DNAJC13: variants seen among roughly 807,000 people sequenced by gnomAD.
DNAJC13 encodes the protein DnaJ heat shock protein family (Hsp40) member C13.
In DNAJC13, 75 loss-of-function variants were observed where a neutral mutation model predicts 290.5. The observed-to-expected ratio is 0.26, with a 90% confidence interval of 0.21 to 0.31. The LOEUF (loss-of-function observed/expected upper bound fraction) is 0.31. Among genes scored for constraint, DNAJC13 ranks in the 10% least tolerant of loss-of-function variants. The pLI is 1.00. For synonymous variants in DNAJC13, 862 were observed against 892.0 expected (o/e 0.97, Z 0.60); for missense variants, 2,260 against 2,674.5 (o/e 0.85, Z 3.42).
intron 39 of DNAJC13, among the ~76,000 whole-genome samples, chr3:132,501,211 A>G (rs1412953059): frequency 1.3e-5 from 2 of 152,154 alleles, no homozygotes; most frequent in Non-Finnish European, 2.9e-5. Context: ...TTTTAAAAGC[A>G]AAAGGCCAGC....
intron 48 of DNAJC13, among the ~76,000 whole-genome samples, chr3:132,521,532 G>C (rs1936090208): frequency 6.6e-6 from 1 of 152,182 alleles, no homozygotes; most frequent in African/African-American, 2.4e-5. Context: ...TGAAAAAATT[G>C]AAATAAATGG....
At chr3:132,489,339 T>G (rs1934986471) in intron 31 of DNAJC13, among the ~76,000 whole-genome samples, 1 of 152,156 alleles carries the variant, frequency 6.6e-6, no homozygotes, top group South Asian at 2.1e-4. Flanking sequence ...TAATTCATTA[T>G]GTACCTGAGT....
At position 132,523,152 on chromosome 3, in the gene DNAJC13, C is replaced by T. The variant is rs757362955; in HGVS notation, c.5844-5C>T. ...GTTTGGTATCCATCCCTTTTTTTCC[C>T]CAAGGCACTTTAAAAATCAGCAGGA... On this transcript the variant is annotated splice_polypyrimidine_tract_variant and splice_region_variant and intron_variant, in intron 49 of 55. Coordinates refer to ENST00000260818, the MANE Select transcript of DNAJC13 (RefSeq NM_015268.4). 1.2e-6 allele frequency: 2 copies of T among 1,612,932 alleles called. No homozygotes were observed. Among genetic ancestry groups the T allele is most frequent in the African/African-American group, 1.3e-5 (1 of 74,772 alleles).
At chr3:132,424,103 T>C (rs1020881895) in intron 1 of DNAJC13, among the ~76,000 whole-genome samples, 1 of 152,160 alleles carries the variant, frequency 6.6e-6, no homozygotes, top group African/African-American at 2.4e-5. Flanking sequence ...CAATAATGTG[T>C]ATAAACTAAA....
intron 28 of DNAJC13, 53 bp from the exon 29 acceptor site, chr3:132,484,535 C>T: frequency 6.5e-7 from 1 of 1,542,632 alleles, no homozygotes; most frequent in African/African-American, 1.4e-5. Context: ...ATGCTCTGAA[C>T]ATACAAATTT....
chr3:132,533,763 TATCA>T (rs1936502541), intron 55 of DNAJC13, among the ~76,000 whole-genome samples: 1 of 152,238 alleles, frequency 6.6e-6, no homozygotes, highest in Non-Finnish European at 1.5e-5. Flanking sequence ...CAGTCTTATC[TATCA>T]TTCTTTGACT....
intron 29 of DNAJC13, among the ~76,000 whole-genome samples, chr3:132,485,538 A>G (rs1319942699): frequency 6.6e-6 from 1 of 152,180 alleles, no homozygotes; most frequent in Admixed American, 6.5e-5. Flanking sequence ...AGTTTTATTT[A>G]TTACCTATTT....
At chr3:132,487,160 A>C (rs1205616156) in intron 29 of DNAJC13, among the ~76,000 whole-genome samples, 1 of 152,228 alleles carries the variant, frequency 6.6e-6, no homozygotes, top group African/African-American at 2.4e-5. Context: ...TTATTTACTT[A>C]AAAGACCCAT....
intron 22 of DNAJC13, among the ~76,000 whole-genome samples, chr3:132,476,087 C>T (rs945410576): frequency 2.0e-5 from 3 of 152,154 alleles, no homozygotes; most frequent in Non-Finnish European, 2.9e-5. Context: ...GCTTGCACCA[C>T]CATGCCTAGC....
At chr3:132,419,051 C>CT (rs1241716250) in intron 1 of DNAJC13, among the ~76,000 whole-genome samples, 1 of 152,104 alleles carries the variant, frequency 6.6e-6, no homozygotes, top group Non-Finnish European at 1.5e-5. Flanking sequence ...ATGTGAAACG[C>CT]TTTTTAAGCT....
At chr3:132,418,598 C>T (rs1382459449) in intron 1 of DNAJC13, among the ~76,000 whole-genome samples, 1 of 152,208 alleles carries the variant, frequency 6.6e-6, no homozygotes, top group Non-Finnish European at 1.5e-5. Flanking sequence ...CATTTTCCCT[C>T]TGCTTTTCCC....
At chr3:132,419,587 A>G (rs1938897792) in intron 1 of DNAJC13, among the ~76,000 whole-genome samples, 1 of 152,184 alleles carries the variant, frequency 6.6e-6, no homozygotes, top group South Asian at 2.1e-4. Flanking sequence ...ATGTGTTTTA[A>G]CTAATTTGGC....
intron 39 of DNAJC13, among the ~76,000 whole-genome samples, chr3:132,501,871 A>G (rs906848038): frequency 3.9e-5 from 6 of 152,220 alleles, no homozygotes; most frequent in Admixed American, 3.3e-4. Flanking sequence ...ATATCTACTT[A>G]ATGTCCTTAG....
rs754174201 is a variant in DNAJC13 at position 132,466,038 on chromosome 3, G to T, written c.1936G>T (p.Ala646Ser). The T allele has an allele frequency of 2.4e-5, 39 of 1,613,882 alleles. No individual in the cohort carries two copies. Among genetic ancestry groups the T allele is most frequent in the Non-Finnish European group, 3.3e-5 (39 of 1,179,902 alleles). Residue 646 changes from alanine to serine, a missense_variant, in exon 18 of 56, where the codon GCA (alanine) becomes TCA (serine). Ala to Ser is a moderately conservative substitution (Grantham distance 99). This residue lies in a region of DNAJC13 where 762 missense variants were observed against 964.1 expected (regional missense o/e 0.79). Coordinates refer to ENST00000260818, the MANE Select transcript of DNAJC13 (RefSeq NM_015268.4). ...HLVGLWTADN[A>S]TATNLLKRIL... is the part of the protein sequence containing the mutation. ...AGTGGGACTCTGGACAGCTGATAATGCAACTGCAACAAACTTGTTGAAACG... is the reference window on the plus strand; with the variant it reads ...AGTGGGACTCTGGACAGCTGATAATTCAACTGCAACAAACTTGTTGAAACG...
chr3:132,516,891 TTA>T, intron 48 of DNAJC13, 75 bp downstream of exon 48: 2 of 1,249,448 alleles, frequency 1.6e-6, no homozygotes, highest in Non-Finnish European at 2.3e-6. Flanking sequence ...TTCAAGAAGT[TTA>T]CTGAAATCTG....
In DNAJC13 at chr3:132,504,916, A is replaced by G. The variant is rs577959847; in HGVS notation, c.4885-386A>G. On this transcript the variant is annotated intron_variant, in intron 41 of 55. Transcript: ENST00000260818. ...AGACTTAGGTTTTGTTTTCAAATACATGTACATAAAGGTATTATGTTGTGA... is the reference window on the plus strand; with the variant it reads ...AGACTTAGGTTTTGTTTTCAAATACGTGTACATAAAGGTATTATGTTGTGA... 4.6e-5 allele frequency among the ~76,000 whole-genome samples: 7 copies of G among 152,330 alleles called. No homozygotes were observed. In the South Asian group the frequency reaches 1.0e-3, roughly 23 times the overall value.
At chr3:132,514,868 G>T (rs11706865) in intron 46 of DNAJC13, 198 bp downstream of exon 46, 7 of 465,334 alleles carry the variant, frequency 1.5e-5, no homozygotes, top group South Asian at 5.4e-5. Flanking sequence ...TTGAAAGTTG[G>T]GGGTGAGAGA....
chr3:132,439,480 T>C (rs1460185662), intron 2 of DNAJC13, among the ~76,000 whole-genome samples: 1 of 151,996 alleles, frequency 6.6e-6, no homozygotes. Context: ...TGCCAGTCTT[T>C]AAAACTCAGA....
At chr3:132,528,620 G>A (rs1327893490) in intron 54 of DNAJC13, among the ~76,000 whole-genome samples, 1 of 152,176 alleles carries the variant, frequency 6.6e-6, no homozygotes, top group African/African-American at 2.4e-5. Context: ...AGCATTTAGT[G>A]CTGCTTAAGA....
Sources: gnomAD v4.1 joint callset for allele counts (sites outside exome capture counted in the v4.1 genomes callset) on GRCh38, gnomAD v4.1.1 for gene constraint, gnomAD v4.1.1 regional missense constraint, MANE v1.5 for transcripts, NCBI Gene and HGNC (gene_info 2026-07-23, HGNC 2026-07-21) for gene names.